Variants in SHISA6 observed in about 807,000 individuals in gnomAD.
SHISA6 encodes the protein shisa family member 6, also known as protein shisa-6.
Under a neutral mutation model 47.9 loss-of-function variants are expected in SHISA6, and 22 were observed. The ratio of observed to expected loss-of-function variants is 0.46; its 90% confidence interval spans 0.33 to 0.66. SHISA6 has a LOEUF of 0.66. Among genes scored for constraint, SHISA6 ranks in the 30% least tolerant of loss-of-function variants. The probability of loss-of-function intolerance (pLI) is 0.02; values close to 1 mark genes in which losing one functional copy is unlikely to be tolerated. For synonymous variants in SHISA6, 388 were observed against 337.8 expected (o/e 1.15, Z -1.63); for missense variants, 680 against 764.6 (o/e 0.89, Z 1.30).
rs74527741 is a variant in SHISA6 at position 11,494,563 on chromosome 17, C to T, written c.896-57333C>T. ...TCTAGGGACCTCTTGCATTAGAACTCCTAGGGTTAATTCCCCAAAATAACA... is the reference window on the plus strand; with the variant it reads ...TCTAGGGACCTCTTGCATTAGAACTTCTAGGGTTAATTCCCCAAAATAACA... On this transcript the variant is annotated intron_variant, in intron 3 of 5. Transcript: ENST00000441885. 8.5e-3 allele frequency among the ~76,000 whole-genome samples: 1,290 copies of T among 152,264 alleles called. 34 individuals are homozygous for T. The highest frequency in any genetic ancestry group is 0.084 in the East Asian group (432 of 5,168).
chr17:11,334,963 C>G (rs1911268112), intron 2 of SHISA6, among the ~76,000 whole-genome samples: 1 of 152,208 alleles, frequency 6.6e-6, no homozygotes, highest in African/African-American at 2.4e-5. Flanking sequence ...CTGGGCAAAA[C>G]CCAGAGACAC....
chr17:11,248,238 G>A (rs541219574), intron 1 of SHISA6, among the ~76,000 whole-genome samples: 1 of 152,172 alleles, frequency 6.6e-6, no homozygotes, highest in East Asian at 1.9e-4. Flanking sequence ...TTAATCTCTC[G>A]AAGTGAAACC....
intron 3 of SHISA6, among the ~76,000 whole-genome samples, chr17:11,479,388 C>T (rs1916156067): frequency 6.6e-6 from 1 of 152,112 alleles, no homozygotes; most frequent in Admixed American, 6.5e-5. Context: ...CATGTTCTCA[C>T]TCATAAGTGG....
intron 3 of SHISA6, among the ~76,000 whole-genome samples, chr17:11,479,573 C>T (rs1916161268): frequency 6.6e-6 from 1 of 151,864 alleles, no homozygotes; most frequent in African/African-American, 2.4e-5. Context: ...CACATGTATA[C>T]TTATGTAACA....
At chr17:11,542,200 A>G (rs2071839869) in intron 3 of SHISA6, among the ~76,000 whole-genome samples, 1 of 152,152 alleles carries the variant, frequency 6.6e-6, no homozygotes, top group African/African-American at 2.4e-5. Flanking sequence ...CAGACTCAGC[A>G]GATTTGGGGC....
Position 11,401,333 on chromosome 17 carries a change from C to G in SHISA6, c.895+21824C>G, listed in dbSNP as rs139563691. Among the ~76,000 whole-genome samples the G allele has an allele frequency of 2.7e-3, 416 of 152,234 alleles. 1 individual carries two copies. The Middle Eastern group carries it at 0.051, about 19-fold the overall frequency. On this transcript the variant is annotated intron_variant, in intron 3 of 5. Coordinates refer to ENST00000441885, the MANE Select transcript of SHISA6 (RefSeq NM_207386.4). ...ACACCAGCCTCCTGAGTAGCTGGGACCACAGACACATGCCATCATGCCCAG... is the reference window on the plus strand; with the variant it reads ...ACACCAGCCTCCTGAGTAGCTGGGAGCACAGACACATGCCATCATGCCCAG...
chr17:11,289,566 A>G (rs1909444318), intron 2 of SHISA6: 1 of 138,776 alleles, frequency 7.2e-6, no homozygotes. Flanking sequence ...TAAAATATAA[A>G]TATACATACA....
At chr17:11,528,885 AC>A (rs750936391) in intron 3 of SHISA6, among the ~76,000 whole-genome samples, 10 of 152,036 alleles carry the variant, frequency 6.6e-5, no homozygotes, top group Non-Finnish European at 1.3e-4. Flanking sequence ...CATAGCTGCT[AC>A]TCTACTATGA....
intron 2 of SHISA6, among the ~76,000 whole-genome samples, chr17:11,358,312 T>C (rs1485524497): frequency 6.6e-6 from 1 of 152,178 alleles, no homozygotes; most frequent in African/African-American, 2.4e-5. Context: ...GTGGCTTCTC[T>C]CACTTAGAGT....
At chr17:11,538,127 G>C (rs1013665615) in intron 3 of SHISA6, among the ~76,000 whole-genome samples, 5 of 152,246 alleles carry the variant, frequency 3.3e-5, no homozygotes, top group East Asian at 1.9e-4. Flanking sequence ...GCAGTGGCAT[G>C]ATCTCGGCTC....
intron 3 of SHISA6, among the ~76,000 whole-genome samples, chr17:11,443,858 T>A (rs1042653502): frequency 5.3e-5 from 8 of 152,174 alleles, no homozygotes; most frequent in African/African-American, 1.9e-4. Flanking sequence ...GCAGAATAAA[T>A]ACTGAGAAAA....
chr17:11,514,182 C>A (rs1396211151), intron 3 of SHISA6, among the ~76,000 whole-genome samples: 1 of 152,186 alleles, frequency 6.6e-6, no homozygotes, highest in Non-Finnish European at 1.5e-5. Flanking sequence ...CAGTTCCAGG[C>A]AGAACACCAT....
chr17:11,375,315 C>A (rs370063950), intron 2 of SHISA6, among the ~76,000 whole-genome samples: 2 of 152,114 alleles, frequency 1.3e-5, no homozygotes, highest in South Asian at 2.1e-4. Flanking sequence ...TGTGCCCTGT[C>A]TTTTCTCCCA....
intron 2 of SHISA6, among the ~76,000 whole-genome samples, chr17:11,365,966 G>A (rs1912436949): frequency 1.3e-5 from 2 of 152,142 alleles, no homozygotes; most frequent in South Asian, 4.1e-4. Flanking sequence ...AAACATCTGA[G>A]GACAGAGAGT....
chr17:11,299,796 C>T (rs1487387428), intron 2 of SHISA6, among the ~76,000 whole-genome samples: 1 of 152,132 alleles, frequency 6.6e-6, no homozygotes, highest in Admixed American at 6.5e-5. Context: ...GGGTGGTCTC[C>T]TCATCTCAAG....
chr17:11,380,615 C>T (rs1288954171), intron 3 of SHISA6, among the ~76,000 whole-genome samples: 1 of 152,164 alleles, frequency 6.6e-6, no homozygotes, highest in African/African-American at 2.4e-5. Flanking sequence ...CCACATCATC[C>T]ACTTTGTGAT....
At chr17:11,485,053 T>C (rs1194868814) in intron 3 of SHISA6, among the ~76,000 whole-genome samples, 2 of 152,234 alleles carry the variant, frequency 1.3e-5, no homozygotes, top group East Asian at 3.9e-4. Context: ...TCTTTTCAAA[T>C]ATCCCCCTAA....
At chr17:11,391,488 C>A (rs78491183) in intron 3 of SHISA6, among the ~76,000 whole-genome samples, 1 of 152,208 alleles carries the variant, frequency 6.6e-6, no homozygotes, top group African/African-American at 2.4e-5. Flanking sequence ...CAAAGCAGCA[C>A]GCAAAAAGCA....
intron 2 of SHISA6, 145 bp from the exon 3 acceptor site, chr17:11,379,269 A>C: frequency 2.7e-6 from 1 of 365,598 alleles, no homozygotes; most frequent in Non-Finnish European, 4.9e-6. Context: ...GTATGTGTAT[A>C]TATATTCTTG....
Sources: gnomAD v4.1 joint callset for allele counts (sites outside exome capture counted in the v4.1 genomes callset) on GRCh38, gnomAD v4.1.1 for gene constraint, MANE v1.5 for transcripts, NCBI Gene and HGNC (gene_info 2026-07-23, HGNC 2026-07-21) for gene names.